Variants in BMERB1 observed in about 807,000 individuals in gnomAD.
BMERB1 encodes the protein bMERB domain-containing protein 1.
In BMERB1, 12 loss-of-function variants were observed where a neutral mutation model predicts 23.6. That is an observed-to-expected ratio of 0.51 (90% CI 0.33 to 0.82). BMERB1 has a LOEUF of 0.82. BMERB1 is among the 40% of genes least tolerant of loss of function. The pLI, the probability that BMERB1 is intolerant of heterozygous loss-of-function variation, is 0.03. For missense variants in BMERB1, 247 were observed against 255.4 expected (o/e 0.97, Z 0.22); for synonymous variants, 122 against 96.6 (o/e 1.26, Z -1.54).
intron 2 of BMERB1, among the ~76,000 whole-genome samples, chr16:15,518,012 GGTGTGGATGTGTGCGT>G (rs896354275): frequency 1.3e-5 from 2 of 150,014 alleles, no homozygotes; most frequent in Admixed American, 6.7e-5. Flanking sequence ...TGTGTGTGTG[GGTGTGGATGTGTGCGT>G]GTGTGGATGT....
At position 15,444,123 on chromosome 16, in the gene BMERB1, GTTTTTTTTTT is replaced by G. The variant is rs150793082; in HGVS notation, c.106+9382_106+9391del. ...AGGCCAGGGTCCAGGCACCAGCTTTGTTTTTTTTTTTTTTTTTTTTTTTTTTTGGCTGTTT... is the reference window on the plus strand; with the variant it reads ...AGGCCAGGGTCCAGGCACCAGCTTTGTTTTTTTTTTTTTTTTTGGCTGTTT... On this transcript the variant is annotated intron_variant, in intron 1 of 5. Transcript: ENST00000300006. Among the ~76,000 whole-genome samples the G allele has an allele frequency of 2.1e-3, 75 of 35,622 alleles. 2 individuals are homozygous for G. In the East Asian group the frequency reaches 0.022, roughly 10 times the overall value. 23.4% of individuals were successfully genotyped at this position (35,622 alleles called of 152,430 possible).
intron 2 of BMERB1, among the ~76,000 whole-genome samples, chr16:15,562,347 A>G (rs7198957): frequency 0.1 from 15,839 of 151,586 alleles, 2,539 homozygotes; most frequent in African/African-American, 0.34. Flanking sequence ...AAAATGAGTT[A>G]GGTGAGACAG....
intron 2 of BMERB1, among the ~76,000 whole-genome samples, chr16:15,546,595 C>T (rs1219586219): frequency 6.6e-6 from 1 of 152,114 alleles, no homozygotes; most frequent in Admixed American, 6.6e-5. Context: ...ACAAAGTTTC[C>T]CAGAGCTTAC....
chr16:15,465,751 C>T (rs1412120189), intron 1 of BMERB1, among the ~76,000 whole-genome samples: 1 of 152,132 alleles, frequency 6.6e-6, no homozygotes, highest in Non-Finnish European at 1.5e-5. Flanking sequence ...CAGAAATGAC[C>T]CTTGTCATGG....
chr16:15,482,830 A>G (rs1370769489), intron 1 of BMERB1, among the ~76,000 whole-genome samples: 2 of 152,308 alleles, frequency 1.3e-5, no homozygotes, highest in Non-Finnish European at 2.9e-5. Context: ...CATTTATCCT[A>G]TGTCAGGTAC....
At chr16:15,576,334 A>C (rs1461363327) in intron 3 of BMERB1, among the ~76,000 whole-genome samples, 3 of 152,090 alleles carry the variant, frequency 2.0e-5, no homozygotes, top group Non-Finnish European at 4.4e-5. Context: ...GGTGTGAGCC[A>C]CCGCGCCTAG....
chr16:15,478,891 G>A (rs1431574489), intron 1 of BMERB1, among the ~76,000 whole-genome samples: 1 of 152,150 alleles, frequency 6.6e-6, no homozygotes, highest in Non-Finnish European at 1.5e-5. Context: ...TGATGGAATG[G>A]GAAATACACG....
chr16:15,529,430 G>A lies in BMERB1; in HGVS notation c.230+14002G>A, dbSNP rs559607304. On this transcript the variant is annotated intron_variant, in intron 2 of 5. Transcript: ENST00000300006. ...GTCCCCTCGAGGACTGAGATCTAGG[G>A]CATTTCTGGAGGGACACCTTCCCAG... 4.8e-4 allele frequency among the ~76,000 whole-genome samples: 73 copies of A among 152,280 alleles called. 3 individuals carry two copies. The South Asian group carries it at 0.015, about 32-fold the overall frequency.
chr16:15,522,089 A>T (rs1367160134), intron 2 of BMERB1, among the ~76,000 whole-genome samples: 1 of 152,266 alleles, frequency 6.6e-6, no homozygotes, highest in East Asian at 1.9e-4. Flanking sequence ...CAGATAATTA[A>T]GTATCTTTGG....
At chr16:15,488,714 G>C (rs567737706) in intron 1 of BMERB1, among the ~76,000 whole-genome samples, 1 of 150,202 alleles carries the variant, frequency 6.7e-6, no homozygotes, top group Admixed American at 6.6e-5. Flanking sequence ...GTGGTGGTGG[G>C]TGTCTGTGGT....
chr16:15,576,037 A>AT (rs58602187), intron 3 of BMERB1, among the ~76,000 whole-genome samples: 3,667 of 131,954 alleles, frequency 0.028, 156 homozygotes, highest in African/African-American at 0.083. Context: ...AGCATTAGTA[A>AT]TTTTTTTTTT....
chr16:15,531,085 T>C (rs1264179029), intron 2 of BMERB1, among the ~76,000 whole-genome samples: 2 of 151,984 alleles, frequency 1.3e-5, no homozygotes, highest in African/African-American at 4.8e-5. Flanking sequence ...TTTTTTGTAT[T>C]TTTAGTAGAG....
intron 1 of BMERB1, among the ~76,000 whole-genome samples, chr16:15,485,928 G>A (rs1040879244): frequency 2.0e-5 from 3 of 152,088 alleles, no homozygotes; most frequent in African/African-American, 7.2e-5. Flanking sequence ...GGCCCATGCT[G>A]ATGACTCAGA....
At chr16:15,554,675 T>C (rs866110478) in intron 2 of BMERB1, among the ~76,000 whole-genome samples, 22 of 138,158 alleles carry the variant, frequency 1.6e-4, no homozygotes, top group Admixed American at 1.4e-4. Context: ...TTTTTTTTTC[T>C]TTTTTTTTTT....
chr16:15,447,457 T>A (rs1026992216), intron 1 of BMERB1, among the ~76,000 whole-genome samples: 1 of 151,980 alleles, frequency 6.6e-6, no homozygotes, highest in African/African-American at 2.4e-5. Context: ...CCTCCACACA[T>A]GGGGATTACA....
intron 1 of BMERB1, among the ~76,000 whole-genome samples, chr16:15,453,999 G>A (rs1441396315): frequency 6.6e-6 from 1 of 151,860 alleles, no homozygotes; most frequent in Non-Finnish European, 1.5e-5. Context: ...TTCCTGTTCT[G>A]AGTCATGTTT....
At chr16:15,553,817 A>T (rs778659270) in intron 2 of BMERB1, among the ~76,000 whole-genome samples, 7 of 152,124 alleles carry the variant, frequency 4.6e-5, no homozygotes, top group Non-Finnish European at 8.8e-5. Context: ...AATTCCTTGG[A>T]TCGTCTTAGA....
chr16:15,564,893 C>G (rs534728188), intron 2 of BMERB1, among the ~76,000 whole-genome samples: 2 of 152,274 alleles, frequency 1.3e-5, no homozygotes, highest in East Asian at 1.9e-4. Flanking sequence ...CCAGCTCATT[C>G]CTTACATGTA....
chr16:15,558,362 G>A (rs2030325159), intron 2 of BMERB1, among the ~76,000 whole-genome samples: 1 of 152,126 alleles, frequency 6.6e-6, no homozygotes, highest in Non-Finnish European at 1.5e-5. Context: ...AGTGTGGGAA[G>A]AGGTGATTGG....
Sources: allele counts gnomAD v4.1 joint callset (sites outside exome capture counted in the v4.1 genomes callset), GRCh38; gene constraint gnomAD v4.1.1; transcripts MANE v1.5; gene names NCBI Gene and HGNC (gene_info 2026-07-23, HGNC 2026-07-21).